DPYSL2: variants seen among roughly 807,000 people sequenced by gnomAD.
DPYSL2 encodes the protein dihydropyrimidinase-related protein 2.
A neutral mutation model predicts 69.9 loss-of-function variants in DPYSL2; 13 were observed. The observed-to-expected ratio is 0.19, with a 90% confidence interval of 0.12 to 0.30. The LOEUF (loss-of-function observed/expected upper bound fraction) is 0.30, where lower values mean the gene tolerates loss of function less well. Ranked by LOEUF, DPYSL2 falls within the 10% of genes least tolerant of loss-of-function variation. DPYSL2 has a pLI of 1.00. For synonymous variants in DPYSL2, 326 were observed against 359.1 expected, an observed-to-expected ratio of 0.91 and a Z score of 1.04; for missense variants, 587 against 918.9, an observed-to-expected ratio of 0.64 and a Z score of 4.67.
In DPYSL2 at chr8:26,614,322, T is replaced by C. The variant is rs1802300551; in HGVS notation, c.629-9821T>C. Among the ~76,000 whole-genome samples, 1 of 151,610 alleles carries C rather than the reference T, an allele frequency of 6.6e-6. No homozygotes were observed. Among genetic ancestry groups the C allele is most frequent in the African/African-American group, 2.4e-5 (1 of 41,212 alleles). On this transcript the variant is annotated intron_variant, in intron 3 of 13. Transcript: ENST00000521913. This position sits in a 1 kb window ranked among gnomAD's most constrained non-coding sequence, Gnocchi z 4.9. The stretch of plus-strand genomic sequence containing the variant: ...TGGCAGGATGGGGGCCAGTGTGCAG[T>C]GGGCCAAGAGGGAATGGGAGCGAGA...
rs7008546 is a variant in DPYSL2 at position 26,617,158 on chromosome 8, G to C, written c.629-6985G>C. Among the ~76,000 whole-genome samples the C allele has an allele frequency of 9.0e-3, 1,371 of 152,250 alleles. 18 individuals carry two copies. Among genetic ancestry groups the C allele is most frequent in the African/African-American group, 0.03 (1,239 of 41,556 alleles). ...GGTTCTCTATCAGTGTCGCTCCCTGGCTGTAATATTGTACTATAATTAGGC... is the reference window on the plus strand; with the variant it reads ...GGTTCTCTATCAGTGTCGCTCCCTGCCTGTAATATTGTACTATAATTAGGC... On this transcript the variant is annotated intron_variant, in intron 3 of 13. Transcript: ENST00000521913. The surrounding 1 kb of genome is among the most constrained non-coding windows in gnomAD (Gnocchi z 4.7).
Position 26,654,229 on chromosome 8 carries a change from AAC to A in DPYSL2, c.1942+833_1942+834del, listed in dbSNP as rs1803336669. Among the ~76,000 whole-genome samples, 1 of 152,146 alleles carries A rather than the reference AAC, an allele frequency of 6.6e-6. No homozygotes were observed. Among genetic ancestry groups the A allele is most frequent in the African/African-American group, 2.4e-5 (1 of 41,418 alleles). On this transcript the variant is annotated intron_variant, in intron 13 of 13. Coordinates refer to ENST00000521913, the MANE Select transcript of DPYSL2 (RefSeq NM_001197293.3). The surrounding 1 kb of genome is among the most constrained non-coding windows in gnomAD (Gnocchi z 5.0). The stretch of plus-strand genomic sequence containing the variant: ...AGTGCTTAGAATGGGGCCATTTGAG[AAC>A]TGTTAGTTGTATTTGCTTGGGTAAT...
chr8:26,514,709 A>C lies in DPYSL2; in HGVS notation c.354+30A>C. The C allele has an allele frequency of 2.0e-5, 15 of 734,690 alleles. No individual in the cohort carries two copies. Among genetic ancestry groups the C allele is most frequent in the Non-Finnish European group, 2.6e-5 (14 of 530,404 alleles). The allele number at this position is 734,690 out of a possible 1,614,324, so 45.5% of individuals were successfully genotyped here. A position where few individuals can be genotyped will look rare whatever the true frequency, so the allele number is the denominator to read the frequency against. On this transcript the variant is annotated intron_variant, in intron 1 of 13. Transcript: ENST00000521913. This position sits in a 1 kb window ranked among gnomAD's most constrained non-coding sequence, Gnocchi z 8.4. ...GTGTGGGGGTTGGGGGTGGAGACGG[A>C]GGACGGGGCGCGGGGATCGCCCCTC...
At chr8:26,546,561 G>A (rs1307940290) in intron 1 of DPYSL2, among the ~76,000 whole-genome samples, 1 of 151,904 alleles carries the variant, frequency 6.6e-6, no homozygotes, top group East Asian at 1.9e-4. Flanking sequence ...TACATAATTG[G>A]GATTCAGTGA....
chr8:26,655,779 CT>C lies in DPYSL2; in HGVS notation c.*75del. The C allele has an allele frequency of 8.1e-7, 1 of 1,228,498 alleles. No homozygotes were observed. Among genetic ancestry groups the C allele is most frequent in the Non-Finnish European group, 1.1e-6 (1 of 908,790 alleles). The allele number at this position is 1,228,498 out of a possible 1,614,324, so 76.1% of individuals were successfully genotyped here. A position where few individuals can be genotyped will look rare whatever the true frequency, so the allele number is the denominator to read the frequency against. ...AGGACATTCTGAGACTTCTTTCTTC[CT>C]TCCTTTTTTTTTTTTTGTTTTTTTT... On this transcript the variant is annotated 3_prime_UTR_variant, in exon 14 of 14. Coordinates refer to ENST00000521913, the MANE Select transcript of DPYSL2 (RefSeq NM_001197293.3).
intron 7 of DPYSL2, among the ~76,000 whole-genome samples, chr8:26,629,655 G>A (rs549267066): frequency 2.0e-5 from 3 of 152,376 alleles, no homozygotes; most frequent in African/African-American, 4.8e-5. Context: ...TGCTGAGACC[G>A]TGGCTGGTGG....
chr8:26,535,826 C>T (rs1331464564), intron 1 of DPYSL2, among the ~76,000 whole-genome samples: 3 of 151,852 alleles, frequency 2.0e-5, no homozygotes, highest in East Asian at 1.9e-4. Flanking sequence ...CAAACAGTGG[C>T]GTTGTCCTTG....
Position 26,626,978 on chromosome 8 carries a change from T to G in DPYSL2, c.856-237T>G, listed in dbSNP as rs1472956145. 6.6e-6 allele frequency among the ~76,000 whole-genome samples: 1 copy of G among 152,202 alleles called. No individual in the cohort carries two copies. Among genetic ancestry groups the G allele is most frequent in the Non-Finnish European group, 1.5e-5 (1 of 68,030 alleles). The stretch of plus-strand genomic sequence containing the variant: ...GAGCCAGGTGTCACCCAAGAGCTTC[T>G]CACTCCCGGTCCACGTCCTGCTAAG... On this transcript the variant is annotated intron_variant, in intron 5 of 13. Coordinates refer to ENST00000521913, the MANE Select transcript of DPYSL2 (RefSeq NM_001197293.3). This position sits in a 1 kb window ranked among gnomAD's most constrained non-coding sequence, Gnocchi z 4.3.
At chr8:26,616,265 C>G (rs1802343235) in intron 3 of DPYSL2, among the ~76,000 whole-genome samples, 1 of 151,836 alleles carries the variant, frequency 6.6e-6, no homozygotes, top group African/African-American at 2.4e-5. Flanking sequence ...CCCTTTTTTT[C>G]AGAGCAAAAC....
chr8:26,608,008 C>T (rs1057492630), intron 3 of DPYSL2, among the ~76,000 whole-genome samples: 8 of 146,648 alleles, frequency 5.5e-5, no homozygotes, highest in Middle Eastern at 3.7e-3. Flanking sequence ...ACCTGGGAGG[C>T]GGAGGTTGCA....
intron 3 of DPYSL2, among the ~76,000 whole-genome samples, chr8:26,612,737 C>T (rs750282253): frequency 4.6e-5 from 7 of 152,186 alleles, no homozygotes; most frequent in Non-Finnish European, 1.0e-4. Context: ...TTTCCAGTGA[C>T]AGAAAAGGAT....
rs1467166484 is a variant in DPYSL2 at position 26,580,713 on chromosome 8, T to C, written c.355-1256T>C. Among the ~76,000 whole-genome samples, 1 of 152,234 alleles carries C rather than the reference T, an allele frequency of 6.6e-6. No individual in the cohort carries two copies. Among genetic ancestry groups the C allele is most frequent in the Non-Finnish European group, 1.5e-5 (1 of 68,030 alleles). The stretch of plus-strand genomic sequence containing the variant: ...AAAGAGAGGTAGCACTTGCTGAGAA[T>C]ATTGTTTTGTAACTGAATTTTGAGT... On this transcript the variant is annotated intron_variant, in intron 1 of 13. Coordinates refer to ENST00000521913, the MANE Select transcript of DPYSL2 (RefSeq NM_001197293.3). The surrounding 1 kb of genome is among the most constrained non-coding windows in gnomAD (Gnocchi z 4.1).
At chr8:26,600,336 C>T (rs1266015166) in intron 3 of DPYSL2, among the ~76,000 whole-genome samples, 2 of 152,200 alleles carry the variant, frequency 1.3e-5, no homozygotes, top group African/African-American at 4.8e-5. Context: ...GGCCATGTTA[C>T]TGGCAAATAT....
rs756033302 is a variant in DPYSL2, at chr8:26,560,825, G to A, written c.355-21144G>A. ...ATCTATGTAAGTATAATCACCAGCA[G>A]TTACAAAGTGCTGGTTCCACCCATT... is the stretch of plus-strand genomic sequence containing the variant. On this transcript the variant is annotated intron_variant, in intron 1 of 13. Coordinates refer to ENST00000521913, the MANE Select transcript of DPYSL2 (RefSeq NM_001197293.3). The surrounding 1 kb of genome is among the most constrained non-coding windows in gnomAD (Gnocchi z 4.4). 6.6e-6 allele frequency among the ~76,000 whole-genome samples: 1 copy of A among 152,198 alleles called. No individual in the cohort carries two copies. The highest frequency in any genetic ancestry group is 6.5e-5 in the Admixed American group (1 of 15,284).
chr8:26,532,933 A>G (rs1174315763), intron 1 of DPYSL2, among the ~76,000 whole-genome samples: 1 of 152,168 alleles, frequency 6.6e-6, no homozygotes, highest in Admixed American at 6.5e-5. Flanking sequence ...TTTTTGAGGA[A>G]CTGCCAAACT....
At chr8:26,536,931 C>T (rs1800601156) in intron 1 of DPYSL2, among the ~76,000 whole-genome samples, 1 of 152,084 alleles carries the variant, frequency 6.6e-6, no homozygotes, top group Non-Finnish European at 1.5e-5. Flanking sequence ...CATCTTGACT[C>T]GGCCACCAGA....
intron 1 of DPYSL2, among the ~76,000 whole-genome samples, chr8:26,547,399 T>A (rs1356494352): frequency 6.6e-6 from 1 of 150,740 alleles, no homozygotes; most frequent in East Asian, 1.9e-4. Flanking sequence ...AGAAGCCCAC[T>A]GCAGCAGCAA....
intron 1 of DPYSL2, among the ~76,000 whole-genome samples, chr8:26,572,361 C>T (rs1801251272): frequency 6.6e-6 from 1 of 152,218 alleles, no homozygotes; most frequent in Non-Finnish European, 1.5e-5. Context: ...TCCCCAGCCC[C>T]ACTTCCCTGC....
At position 26,517,753 on chromosome 8, in the gene DPYSL2, G is replaced by C. The variant is rs1021495190; in HGVS notation, c.354+3074G>C. ...AACCTATGCAGGCTGGAGTGACAGG[G>C]AGTGATTCTCCTCCTCTCCAGGGCA... On this transcript the variant is annotated intron_variant, in intron 1 of 13. Transcript: ENST00000521913. This position sits in a 1 kb window ranked among gnomAD's most constrained non-coding sequence, Gnocchi z 4.2. 2.0e-5 allele frequency among the ~76,000 whole-genome samples: 3 copies of C among 152,336 alleles called. No homozygotes were observed. The highest frequency in any genetic ancestry group is 7.2e-5 in the African/African-American group (3 of 41,576).
Sources: gnomAD v4.1 joint callset for allele counts (sites outside exome capture counted in the v4.1 genomes callset) on GRCh38, gnomAD v4.1.1 for gene constraint, Gnocchi (gnomAD v3.1) non-coding constraint, MANE v1.5 for transcripts, NCBI Gene and HGNC (gene_info 2026-07-23, HGNC 2026-07-21) for gene names.